Variants in FBXO11 observed in about 807,000 individuals in gnomAD.
FBXO11 encodes the protein F-box only protein 11.
A neutral mutation model predicts 117.0 loss-of-function variants in FBXO11; 13 were observed. The observed-to-expected ratio is 0.11, with a 90% confidence interval of 0.07 to 0.18. The LOEUF is 0.18. Among genes scored for constraint, FBXO11 ranks in the 10% least tolerant of loss-of-function variants. FBXO11 has a pLI of 1.00. For missense variants in FBXO11, 767 were observed against 1,164.4 expected (o/e 0.66, Z 4.97); for synonymous variants, 490 against 380.5 (o/e 1.29, Z -3.35).
intron 1 of FBXO11, among the ~76,000 whole-genome samples, chr2:47,882,366 A>AT (rs767959465): frequency 5.3e-5 from 8 of 152,164 alleles, no homozygotes; most frequent in Non-Finnish European, 1.2e-4. Flanking sequence ...ATTGAAAGGA[A>AT]TCTTTAAGAT....
At chr2:47,888,708 T>C (rs537119751) in intron 1 of FBXO11, 2 of 973,556 alleles carry the variant, frequency 2.1e-6, no homozygotes, top group East Asian at 2.3e-4. Context: ...TTACAAATCT[T>C]ATTGCTATGA....
chr2:47,819,084 T>A lies in FBXO11; in HGVS notation c.1798-6A>T. 1 of 1,612,490 alleles carries A rather than the reference T, an allele frequency of 6.2e-7. No homozygotes were observed. The highest frequency in any genetic ancestry group is 8.5e-7 in the Non-Finnish European group (1 of 1,179,016). On this transcript the variant is annotated splice_polypyrimidine_tract_variant and splice_region_variant and intron_variant, in intron 14 of 22. Transcript: ENST00000403359. ...ACTCCTTGTCCCTTTTCATGCTAAATGAAAGTTACACTGGTTATAATATTT... is the reference window on the plus strand; with the variant it reads ...ACTCCTTGTCCCTTTTCATGCTAAAAGAAAGTTACACTGGTTATAATATTT...
intron 1 of FBXO11, among the ~76,000 whole-genome samples, chr2:47,861,293 T>A (rs1412418784): frequency 2.6e-5 from 4 of 151,992 alleles, no homozygotes; most frequent in Admixed American, 2.0e-4. Flanking sequence ...ATAATATTCA[T>A]TCTATCCCAT....
At chr2:47,863,055 C>CAAA (rs763187950) in intron 1 of FBXO11, among the ~76,000 whole-genome samples, 2 of 73,952 alleles carry the variant, frequency 2.7e-5, no homozygotes, top group Non-Finnish European at 2.7e-5. Flanking sequence ...AACTGTGTCT[C>CAAA]AAAAAAAAAA....
intron 11 of FBXO11, among the ~76,000 whole-genome samples, chr2:47,824,032 C>G (rs76800049): frequency 0.055 from 8,358 of 152,064 alleles, 247 homozygotes; most frequent in Non-Finnish European, 0.069. Flanking sequence ...AAACAAAGAA[C>G]TATATACATC....
intron 1 of FBXO11, among the ~76,000 whole-genome samples, chr2:47,855,579 A>G (rs1374137771): frequency 6.6e-6 from 1 of 152,214 alleles, no homozygotes; most frequent in Admixed American, 6.5e-5. Flanking sequence ...CATGCTTGTA[A>G]TCCCAGCACT....
chr2:47,815,166 T>C (rs954233756), intron 16 of FBXO11, among the ~76,000 whole-genome samples: 5 of 152,182 alleles, frequency 3.3e-5, no homozygotes, highest in Admixed American at 6.5e-5. Context: ...GTCCTGGCCA[T>C]AAAAACGTTT....
At position 47,832,757 on chromosome 2, in the gene FBXO11, G is replaced by C. The variant is rs1672288664; in HGVS notation, c.1153+12C>G. The C allele has an allele frequency of 6.2e-7, 1 of 1,609,256 alleles. No individual in the cohort carries two copies. ...TCAAAATTTTATTGTAAAATATAAAGAAAACACTAACCTGTACATGTACTT... is the reference window on the plus strand; with the variant it reads ...TCAAAATTTTATTGTAAAATATAAACAAAACACTAACCTGTACATGTACTT... On this transcript the variant is annotated intron_variant, in intron 9 of 22. Transcript: ENST00000403359.
intron 10 of FBXO11, 36 bp from the exon 11 acceptor site, chr2:47,832,522 C>A (rs1558423391): frequency 6.2e-7 from 1 of 1,608,520 alleles, no homozygotes; most frequent in Non-Finnish European, 8.5e-7. Context: ...ATCAGTAGAG[C>A]TTTTAAACAT....
At chr2:47,857,162 C>G (rs1196146890) in intron 1 of FBXO11, among the ~76,000 whole-genome samples, 1 of 152,156 alleles carries the variant, frequency 6.6e-6, no homozygotes, top group Non-Finnish European at 1.5e-5. Flanking sequence ...GTCTGCATAC[C>G]TAACAGTGCA....
In FBXO11 at chr2:47,854,837, C is replaced by A. The variant is rs112500989; in HGVS notation, c.233-15068G>T. ...GTCTTTGAATGCCAAGGTAAAACAA[C>A]TGATCTTTATTCTGTTTTTTTTTTT... On this transcript the variant is annotated intron_variant, in intron 1 of 22. Transcript: ENST00000403359. Among the ~76,000 whole-genome samples, 34 of 146,574 alleles carry A rather than the reference C, an allele frequency of 2.3e-4. No homozygotes were observed. In the East Asian group the frequency reaches 4.7e-3, roughly 20 times the overall value.
rs1270508835 is a variant in FBXO11, at chr2:47,813,940, CAGT to C, written c.2007-76_2007-74del. On this transcript the variant is annotated intron_variant, in intron 16 of 22. Coordinates refer to ENST00000403359, the MANE Select transcript of FBXO11 (RefSeq NM_001190274.2). ...ATATCTTCATGTTACGTGAGGTAAA[CAGT>C]GGAGAAATCCACATAAGTCACTTAG... is the stretch of plus-strand genomic sequence containing the variant. 3.3e-5 allele frequency: 38 copies of C among 1,141,830 alleles called. No individual in the cohort carries two copies. The East Asian group carries it at 8.9e-4, about 27-fold the overall frequency. The allele number at this position is 1,141,830 out of a possible 1,614,324, so 70.7% of individuals were successfully genotyped here. A position where few individuals can be genotyped will look rare whatever the true frequency, so the allele number is the denominator to read the frequency against.
chr2:47,905,337 C>G (rs1553364175), intron 1 of FBXO11, 152 bp downstream of exon 1: 2 of 796,086 alleles, frequency 2.5e-6, no homozygotes, highest in Non-Finnish European at 1.6e-6. Context: ...CGGGCTGACA[C>G]TGCGGCACCG....
intron 1 of FBXO11, among the ~76,000 whole-genome samples, chr2:47,867,923 C>CG (rs1403891553): frequency 1.3e-5 from 2 of 152,020 alleles, no homozygotes. Context: ...TTAGAAACAA[C>CG]AATTTTTTTT....
chr2:47,883,641 A>T (rs1676597199), intron 1 of FBXO11: 2 of 312,276 alleles, frequency 6.4e-6, no homozygotes, highest in South Asian at 6.2e-5. Context: ...CAACATTCAA[A>T]AGGAGTCTAC....
chr2:47,873,472 G>C (rs1675774161), intron 1 of FBXO11, among the ~76,000 whole-genome samples: 1 of 152,094 alleles, frequency 6.6e-6, no homozygotes, highest in Non-Finnish European at 1.5e-5. Context: ...TAATTCCTTA[G>C]TCTTTTGAGG....
At chr2:47,876,371 T>G (rs1000096709) in intron 1 of FBXO11, among the ~76,000 whole-genome samples, 1 of 152,242 alleles carries the variant, frequency 6.6e-6, no homozygotes, top group African/African-American at 2.4e-5. Context: ...GTATTATTTT[T>G]TGCAATTCCT....
intron 1 of FBXO11, among the ~76,000 whole-genome samples, chr2:47,843,264 T>C (rs1673150320): frequency 6.6e-6 from 1 of 152,226 alleles, no homozygotes; most frequent in Non-Finnish European, 1.5e-5. Context: ...TCAACACTAA[T>C]TTTTAGAGTA....
intron 1 of FBXO11, among the ~76,000 whole-genome samples, chr2:47,870,342 G>T (rs1675533042): frequency 6.6e-6 from 1 of 152,144 alleles, no homozygotes; most frequent in Admixed American, 6.5e-5. Context: ...GGGCTGAATT[G>T]TGCCTCTTAA....
Sources: gnomAD v4.1 joint callset for allele counts (sites outside exome capture counted in the v4.1 genomes callset) on GRCh38, gnomAD v4.1.1 for gene constraint, MANE v1.5 for transcripts, NCBI Gene and HGNC (gene_info 2026-07-23, HGNC 2026-07-21) for gene names.